The following PPP2R5A variants were observed in gnomAD, a reference collection of about 807,000 sequenced individuals.
The protein encoded by PPP2R5A is serine/threonine-protein phosphatase 2A 56 kDa regulatory subunit alpha isoform.
In PPP2R5A, 25 loss-of-function variants were observed where a neutral mutation model predicts 64.2. The ratio of observed to expected loss-of-function variants is 0.39; its 90% CI spans 0.28 to 0.54. PPP2R5A has a LOEUF of 0.54. Among genes scored for constraint, PPP2R5A ranks in the 20% least tolerant of loss-of-function variants. PPP2R5A has a pLI of 0.67. For missense variants in PPP2R5A, 425 were observed against 576.3 expected (o/e 0.74, Z 2.69); for synonymous variants, 198 against 201.2 (o/e 0.98, Z 0.13).
At chr1:212,303,486 C>T (rs182866950) in intron 1 of PPP2R5A, among the ~76,000 whole-genome samples, 19 of 151,322 alleles carry the variant, frequency 1.3e-4, no homozygotes, top group African/African-American at 4.6e-4. Flanking sequence ...TTGATATAAG[C>T]CCCTTGTGTC....
At position 212,349,197 on chromosome 1, in the gene PPP2R5A, T is replaced by C. The variant is rs1182731799; in HGVS notation, c.882T>C (p.Tyr294=). The C allele has an allele frequency of 2.6e-6, 4 of 1,554,752 alleles. No individual in the cohort carries two copies. The highest frequency in any genetic ancestry group is 1.8e-5 in the Admixed American group (1 of 54,830). The change falls in exon 8 of 13, where the codon TAT becomes TAC. Residue 294 remains tyrosine, a synonymous_variant. Coordinates refer to ENST00000261461, the MANE Select transcript of PPP2R5A (RefSeq NM_006243.4). The part of the protein sequence containing the change: ...GLALFHAQLA[Y]CVVQFLEKDT... ...TGTCCCTTACCTTTTAGCTAGCATA[T>C]TGTGTTGTACAGTTCCTGGAGAAAG...
At chr1:212,352,807 G>C (rs771782310) in intron 8 of PPP2R5A, 5 of 518,684 alleles carry the variant, frequency 9.6e-6, no homozygotes, top group South Asian at 7.0e-5. Context: ...GCTTAAAATA[G>C]CAAGCATTTA....
At chr1:212,322,080 C>A (rs1035715199) in intron 1 of PPP2R5A, among the ~76,000 whole-genome samples, 1 of 151,174 alleles carries the variant, frequency 6.6e-6, no homozygotes, top group African/African-American at 2.4e-5. Flanking sequence ...CGCAGGCACT[C>A]GGCAGGCTGA....
At position 212,333,485 on chromosome 1, in the gene PPP2R5A, T is replaced by C; in HGVS notation, c.379-12T>C. The C allele has an allele frequency of 1.4e-6, 2 of 1,464,948 alleles. No individual in the cohort carries two copies. The highest frequency in any genetic ancestry group is 1.3e-5 in the South Asian group (1 of 75,224). 90.7% of individuals were successfully genotyped at this position (1,464,948 alleles called of 1,614,324 possible). ...ATACAACAACGAACGTAAAATTATT[T>C]TTTCTTTACAGATCAGTGCTAACAT... is the stretch of plus-strand genomic sequence containing the variant. On this transcript the variant is annotated splice_polypyrimidine_tract_variant and intron_variant, in intron 2 of 12. Transcript: ENST00000261461.
At chr1:212,309,593 C>A in intron 1 of PPP2R5A, 1 of 654,426 alleles carries the variant, frequency 1.5e-6, no homozygotes, top group South Asian at 1.7e-5. Flanking sequence ...ACTTTAAAGT[C>A]ATATATTCTG....
chr1:212,348,008 C>T (rs180875631), intron 6 of PPP2R5A, among the ~76,000 whole-genome samples: 197 of 152,212 alleles, frequency 1.3e-3, no homozygotes, highest in African/African-American at 4.2e-3. Context: ...ACTTCTTTCA[C>T]GTTATCCAAC....
chr1:212,336,731 A>T (rs1187974307), intron 3 of PPP2R5A, among the ~76,000 whole-genome samples: 11 of 152,214 alleles, frequency 7.2e-5, no homozygotes, highest in Admixed American at 7.2e-4. Flanking sequence ...CTGACAAATT[A>T]GATTATAGGG....
At chr1:212,291,945 C>G (rs1033191318) in intron 1 of PPP2R5A, among the ~76,000 whole-genome samples, 7 of 152,162 alleles carry the variant, frequency 4.6e-5, no homozygotes, top group African/African-American at 1.7e-4. Context: ...TGATTTCAAC[C>G]ACTTTGGGAT....
At position 212,333,479 on chromosome 1, in the gene PPP2R5A, A is replaced by G; in HGVS notation, c.379-18A>G. The G allele has an allele frequency of 6.9e-7, 1 of 1,442,746 alleles. No individual in the cohort carries two copies. The highest frequency in any genetic ancestry group is 9.4e-7 in the Non-Finnish European group (1 of 1,066,738). 89.4% of individuals were successfully genotyped at this position (1,442,746 alleles called of 1,614,324 possible). A position where few individuals can be genotyped will look rare whatever the true frequency, so the allele number is the denominator to read the frequency against. ...TTACACATACAACAACGAACGTAAAATTATTTTTTCTTTACAGATCAGTGC... is the reference window on the plus strand; with the variant it reads ...TTACACATACAACAACGAACGTAAAGTTATTTTTTCTTTACAGATCAGTGC... On this transcript the variant is annotated intron_variant, in intron 2 of 12. Transcript: ENST00000261461.
Position 212,313,059 on chromosome 1 carries a change from T to A in PPP2R5A, c.182-16076T>A, listed in dbSNP as rs115541329. On this transcript the variant is annotated intron_variant, in intron 1 of 12. Coordinates refer to ENST00000261461, the MANE Select transcript of PPP2R5A (RefSeq NM_006243.4). ...CCTATGCAAATCCTAGCCACCTCAG[T>A]AGCCCTATCTCTAGTCTTTATTTTG... 7.2e-3 allele frequency among the ~76,000 whole-genome samples: 1,101 copies of A among 152,330 alleles called. 12 individuals are homozygous for A. Among genetic ancestry groups the A allele is most frequent in the African/African-American group, 0.025 (1,024 of 41,564 alleles).
At chr1:212,316,724 A>G (rs1659162085) in intron 1 of PPP2R5A, among the ~76,000 whole-genome samples, 1 of 150,982 alleles carries the variant, frequency 6.6e-6, no homozygotes. Context: ...GTCATGTTGC[A>G]GTCTCTGGCG....
Position 212,342,165 on chromosome 1 carries a change from CTTTA to C in PPP2R5A, c.481-19_481-16del, listed in dbSNP as rs1558152017. 1 of 1,609,386 alleles carries C rather than the reference CTTTA, an allele frequency of 6.2e-7. No individual in the cohort carries two copies. The highest frequency in any genetic ancestry group is 1.1e-5 in the South Asian group (1 of 90,166). On this transcript the variant is annotated intron_variant, in intron 3 of 12. Coordinates refer to ENST00000261461, the MANE Select transcript of PPP2R5A (RefSeq NM_006243.4). ...AATATTCTGTAGCCATCATCTTAGCCTTTATTTGACTTTCTCTCATAGTTGGTAT... is the reference window on the plus strand; with the variant it reads ...AATATTCTGTAGCCATCATCTTAGCCTTTGACTTTCTCTCATAGTTGGTAT...
At chr1:212,349,596 AAACT>A (rs1659841632) in intron 8 of PPP2R5A, among the ~76,000 whole-genome samples, 1 of 152,186 alleles carries the variant, frequency 6.6e-6, no homozygotes, top group African/African-American at 2.4e-5. Flanking sequence ...GAGGGTCCCA[AAACT>A]ACTACTCCCT....
chr1:212,358,844 A>T, intron 12 of PPP2R5A, 57 bp downstream of exon 12: 1 of 1,406,588 alleles, frequency 7.1e-7, no homozygotes, highest in Non-Finnish European at 1.0e-6. Context: ...GTTGAATGTG[A>T]TTCAGTTCAG....
Position 212,286,120 on chromosome 1 carries a change from T to TCGTCGC in PPP2R5A, c.13_18dup (p.Ser5_Pro6dup). The TCGTCGC allele has an allele frequency of 6.3e-7, 1 of 1,574,878 alleles. No homozygotes were observed. ...CGTCAGGGCCGCGGAGATGTCGTCG[T>TCGTCGC]CGTCGCCGCCGGCGGGGGCTGCCAG... On this transcript the variant is annotated inframe_insertion, in exon 1 of 13. Transcript: ENST00000261461.
chr1:212,359,546 G>A (rs891234037), intron 12 of PPP2R5A, among the ~76,000 whole-genome samples: 1 of 152,142 alleles, frequency 6.6e-6, no homozygotes, highest in African/African-American at 2.4e-5. Context: ...TCAAACTCAA[G>A]AAGCACTTTC....
rs528531604 is a variant in PPP2R5A, at chr1:212,286,031, C to T, written c.-80C>T. 2.9e-6 allele frequency: 4 copies of T among 1,389,840 alleles called. No homozygotes were observed. Among genetic ancestry groups the T allele is most frequent in the African/African-American group, 1.5e-5 (1 of 65,780 alleles). 86.1% of individuals were successfully genotyped at this position (1,389,840 alleles called of 1,614,324 possible). On this transcript the variant is annotated 5_prime_UTR_variant, in exon 1 of 13. Transcript: ENST00000261461. ...GGGCGCGAGCACCCCGCGCCTCTCC[C>T]CCGCCTCCTCCTGCCGTCTCCGCCG...
Position 212,333,546 on chromosome 1 carries a change from T to G in PPP2R5A, c.428T>G (p.Phe143Cys). 6.2e-7 allele frequency: 1 copy of G among 1,603,278 alleles called. No homozygotes were observed. Among genetic ancestry groups the G allele is most frequent in the Admixed American group, 1.7e-5 (1 of 58,722 alleles). ...CTTCCTCCAAGTGATAATCCAGATT[T>G]TGATCCAGAAGAGGATGAACCCACG... Reference protein sequence around the residue: ...RTLPPSDNPDFDPEEDEPTLE... With the variant: ...RTLPPSDNPDCDPEEDEPTLE... Residue 143 changes from phenylalanine to cysteine, a missense_variant, in exon 3 of 13, where the codon TTT becomes TGT. Phe to Cys is a radical substitution (Grantham distance 205, BLOSUM62 -2). Transcript: ENST00000261461.
chr1:212,310,269 T>C (rs1659003556), intron 1 of PPP2R5A, among the ~76,000 whole-genome samples: 1 of 151,110 alleles, frequency 6.6e-6, no homozygotes, highest in African/African-American at 2.4e-5. Flanking sequence ...TGTTCTAACA[T>C]CAGGAGGGCT....
Sources: allele counts gnomAD v4.1 joint callset (sites outside exome capture counted in the v4.1 genomes callset), GRCh38; gene constraint gnomAD v4.1.1; transcripts MANE v1.5; gene names NCBI Gene and HGNC (gene_info 2026-07-23, HGNC 2026-07-21).